The following MACC1 variants were observed in gnomAD, a reference collection of about 807,000 sequenced individuals.
MACC1 encodes the protein metastasis-associated in colon cancer protein 1.
In MACC1, 79 loss-of-function variants were observed where a neutral mutation model predicts 70.7. The observed-to-expected ratio is 1.12, with a 90% CI of 0.93 to 1.35. The LOEUF is 1.35. MACC1 is among the 40% of genes most tolerant of loss of function. MACC1 has a pLI of 0.00. For missense variants in MACC1, 1,106 were observed against 978.1 expected (o/e 1.13, Z -1.74); for synonymous variants, 361 against 347.2 (o/e 1.04, Z -0.44).
chr7:20,202,795 C>A (rs1433996298), intron 1 of MACC1, among the ~76,000 whole-genome samples: 1 of 152,164 alleles, frequency 6.6e-6, no homozygotes, highest in East Asian at 1.9e-4. Flanking sequence ...ATTTAAAGGG[C>A]ACATGTGGCT....
chr7:20,207,396 C>T (rs1782928359), intron 1 of MACC1, among the ~76,000 whole-genome samples: 1 of 152,012 alleles, frequency 6.6e-6, no homozygotes, highest in Admixed American at 6.6e-5. Context: ...AGGTGATCCT[C>T]CCACTTCTGT....
rs899785664 is a variant in MACC1 at position 20,136,111 on chromosome 7, G to C, written c.*4835C>G. 1.3e-5 allele frequency: 2 copies of C among 152,176 alleles called. No individual in the cohort carries two copies. Among genetic ancestry groups the C allele is most frequent in the African/African-American group, 4.8e-5 (2 of 41,446 alleles). The allele number at this position is 152,176 out of a possible 1,614,324, so 9.4% of individuals were successfully genotyped here. The stretch of plus-strand genomic sequence containing the variant: ...ACATTTAAACCCAAGGGGAACACTA[G>C]AGGTCATTTGGTTCAAGTTCCTTGT... On this transcript the variant is annotated 3_prime_UTR_variant, in exon 7 of 7. Coordinates refer to ENST00000400331, the MANE Select transcript of MACC1 (RefSeq NM_182762.4).
intron 1 of MACC1, among the ~76,000 whole-genome samples, chr7:20,175,457 T>C (rs1782376584): frequency 6.6e-6 from 1 of 152,032 alleles, no homozygotes; most frequent in Non-Finnish European, 1.5e-5. Context: ...CAATAGAACA[T>C]AAAAAAACAC....
In MACC1 at chr7:20,158,549, A is replaced by C. The variant is rs1283433672; in HGVS notation, c.1812T>G (p.Gly604=). ...VKEWYVGVLR[G]KIGLVHCKNV... The stretch of plus-strand genomic sequence containing the variant: ...TTTTGCAGTGTACAAGTCCAATCTT[A>C]CCTCTGAGGACTCCTACATACCATT... The change falls in exon 5 of 7, where the codon GGT becomes GGG. Residue 604 remains glycine (G), a synonymous_variant. Transcript: ENST00000400331. 1.2e-6 allele frequency: 2 copies of C among 1,614,096 alleles called. No homozygotes were observed. The highest frequency in any genetic ancestry group is 1.7e-5 in the Admixed American group (1 of 60,006).
At chr7:20,170,392 C>T (rs1260398752) in intron 2 of MACC1, 6 of 152,132 alleles carry the variant, frequency 3.9e-5, no homozygotes, top group Non-Finnish European at 7.4e-5. Context: ...GTGCCAATTC[C>T]GTTGGTCTTA....
chr7:20,141,941 G>GTA (rs1554287225), intron 6 of MACC1: 2 of 143,818 alleles, frequency 1.4e-5, no homozygotes, highest in Non-Finnish European at 3.1e-5. Context: ...ACACACACAC[G>GTA]CACACACACA....
chr7:20,141,712 A>T (rs1781806261), intron 6 of MACC1, among the ~76,000 whole-genome samples: 1 of 152,158 alleles, frequency 6.6e-6, no homozygotes, highest in African/African-American at 2.4e-5. Flanking sequence ...TTATTTCATG[A>T]TATATTTTAT....
At chr7:20,162,353 T>C (rs901943789) in intron 3 of MACC1, among the ~76,000 whole-genome samples, 1 of 152,146 alleles carries the variant, frequency 6.6e-6, no homozygotes, top group Non-Finnish European at 1.5e-5. Flanking sequence ...TATTTCTCAA[T>C]GGATAAAATT....
chr7:20,173,311 G>A (rs963654564), intron 1 of MACC1, among the ~76,000 whole-genome samples: 4 of 152,102 alleles, frequency 2.6e-5, no homozygotes, highest in Non-Finnish European at 4.4e-5. Flanking sequence ...AACATGTCTC[G>A]GGACTATGTG....
chr7:20,161,968 T>C (rs1419527503), intron 3 of MACC1, 98 bp from the exon 4 acceptor site: 3 of 713,056 alleles, frequency 4.2e-6, no homozygotes, highest in East Asian at 2.7e-5. Flanking sequence ...TATAAAGAAC[T>C]ACATGTGAAA....
Position 20,158,699 on chromosome 7 carries a change from C to T in MACC1, c.1662G>A (p.Gly554=). ...GTCTTAGCACTGCCTTCAGGGTTAC[C>T]CCATAGTTGCTAAAGTTCAATGTTT... The part of the protein sequence containing the change: ...QDKTLNFSNY[G]VTLKAVLRQS... Residue 554 remains glycine (G), a synonymous_variant, in exon 5 of 7, where the codon GGG becomes GGA. Transcript: ENST00000400331. 6.2e-7 allele frequency: 1 copy of T among 1,613,802 alleles called. No individual in the cohort carries two copies. The highest frequency in any genetic ancestry group is 8.5e-7 in the Non-Finnish European group (1 of 1,179,982).
Position 20,160,127 on chromosome 7 carries a change from CA to C in MACC1, c.233del (p.Leu78TrpfsTer4). On this transcript the variant is annotated frameshift_variant, in exon 5 of 7. Transcript: ENST00000400331. LOFTEE classifies it high-confidence loss of function. The part of the protein sequence containing the change: ...WNQLSASNPF[L>X]DDITQLRNNR... ...TATTTCTTAGTTGAGTTATGTCATC[CA>C]AAAATGGGTTAGAAGCAGACAGTTG... is the stretch of plus-strand genomic sequence containing the variant. 6.2e-7 allele frequency: 1 copy of C among 1,612,296 alleles called. No homozygotes were observed. Among genetic ancestry groups the C allele is most frequent in the Admixed American group, 1.7e-5 (1 of 59,606 alleles).
intron 5 of MACC1, among the ~76,000 whole-genome samples, 198 bp from the exon 6 acceptor site, chr7:20,154,579 C>G (rs747304040): frequency 6.6e-6 from 1 of 152,004 alleles, no homozygotes; most frequent in Non-Finnish European, 1.5e-5. Flanking sequence ...CATAACTAAG[C>G]CAGAGTTAGG....
chr7:20,211,484 A>T (rs1232235021), intron 1 of MACC1, among the ~76,000 whole-genome samples: 1 of 152,148 alleles, frequency 6.6e-6, no homozygotes, highest in African/African-American at 2.4e-5. Context: ...AGAAACGGAG[A>T]GGTTGATTTC....
chr7:20,172,276 T>C (rs1168220397), intron 1 of MACC1, among the ~76,000 whole-genome samples: 1 of 152,222 alleles, frequency 6.6e-6, no homozygotes, highest in East Asian at 1.9e-4. Context: ...TGCCCAGGAC[T>C]GCCCTGTTTT....
chr7:20,207,403 C>G (rs1464909556), intron 1 of MACC1, among the ~76,000 whole-genome samples: 1 of 151,972 alleles, frequency 6.6e-6, no homozygotes, highest in East Asian at 1.9e-4. Flanking sequence ...CCTCCCACTT[C>G]TGTCTCCCAA....
intron 1 of MACC1, among the ~76,000 whole-genome samples, chr7:20,200,699 A>T (rs544926359): frequency 6.6e-6 from 1 of 152,330 alleles, no homozygotes; most frequent in Admixed American, 6.5e-5. Context: ...GCACAGTCAG[A>T]TACCTGAGAT....
chr7:20,137,972 G>A lies in MACC1; in HGVS notation c.*2974C>T, dbSNP rs1357046797. On this transcript the variant is annotated 3_prime_UTR_variant, in exon 7 of 7. Transcript: ENST00000400331. ...GTTCCAGACCAGTCTGGCCAAAATGGTAAAACCTTGTCTCCACTAAAAATA... is the reference window on the plus strand; with the variant it reads ...GTTCCAGACCAGTCTGGCCAAAATGATAAAACCTTGTCTCCACTAAAAATA... 1.3e-5 allele frequency: 2 copies of A among 151,854 alleles called. No homozygotes were observed. Among genetic ancestry groups the A allele is most frequent in the East Asian group, 3.9e-4 (2 of 5,164 alleles). 9.4% of individuals were successfully genotyped at this position (151,854 alleles called of 1,614,324 possible).
chr7:20,194,338 G>A (rs1782717305), intron 1 of MACC1, among the ~76,000 whole-genome samples: 1 of 152,106 alleles, frequency 6.6e-6, no homozygotes, highest in African/African-American at 2.4e-5. Context: ...CAGAAGGCAG[G>A]GAGCCCAGCT....
Sources: allele counts gnomAD v4.1 joint callset (sites outside exome capture counted in the v4.1 genomes callset), GRCh38; gene constraint gnomAD v4.1.1; transcripts MANE v1.5; gene names NCBI Gene and HGNC (gene_info 2026-07-23, HGNC 2026-07-21).